ICAM3: variants seen among roughly 807,000 people sequenced by gnomAD.
ICAM3 encodes ICAM-3.
In ICAM3, 54 loss-of-function variants were observed where a neutral mutation model predicts 43.6. That is an observed-to-expected ratio of 1.24 (90% CI 0.99 to 1.55). ICAM3 has a LOEUF of 1.55. ICAM3 is among the 40% of genes most tolerant of loss of function. The pLI is 0.00. For synonymous variants in ICAM3, 306 were observed against 312.6 expected, an observed-to-expected ratio of 0.98 and a Z score of 0.22; for missense variants, 715 against 717.9, an observed-to-expected ratio of 1.00 and a Z score of 0.05.
Position 10,333,956 on chromosome 19 carries a change from C to G in ICAM3, c.1545G>C (p.Arg515=). ...CCTCCCTAACATGGTAACTGCCGCTCCGTTGGTGCTCCCTGAAGACGTACA... is the reference window on the plus strand; with the variant it reads ...CCTCCCTAACATGGTAACTGCCGCTGCGTTGGTGCTCCCTGAAGACGTACA... ...ALMYVFREHQ[R]SGSYHVREES... The change falls in exon 7 of 7, where the codon CGG becomes CGC. Residue 515 remains arginine (R), a synonymous_variant. Coordinates refer to ENST00000160262, the MANE Select transcript of ICAM3 (RefSeq NM_002162.5). This position sits in a 1 kb window ranked among gnomAD's most constrained non-coding sequence, Gnocchi z 4.2. 6.2e-7 allele frequency: 1 copy of G among 1,614,162 alleles called. No homozygotes were observed.
chr19:10,339,517 T>C lies in ICAM3; in HGVS notation c.76+22A>G, dbSNP rs760085544. 14 of 1,610,676 alleles carry C rather than the reference T, an allele frequency of 8.7e-6. No individual in the cohort carries two copies. The African/African-American group carries it at 1.6e-4, about 18-fold the overall frequency. On this transcript the variant is annotated intron_variant, in intron 1 of 6. Coordinates refer to ENST00000160262, the MANE Select transcript of ICAM3 (RefSeq NM_002162.5). ...CCCAAAACGCAGCCCTCTCCAGCCC[T>C]CCCCGGCTTGACTGGTCTCACCTGG...
At chr19:10,335,002 T>A (rs1157826106) in intron 4 of ICAM3, 64 bp downstream of exon 4, 1 of 1,562,566 alleles carries the variant, frequency 6.4e-7, no homozygotes, top group East Asian at 2.2e-5. Flanking sequence ...TCGGCTAGTC[T>A]CCGCCCCCTC....
rs1647861233 is a variant in ICAM3, at chr19:10,339,549, C to T, written c.66G>A (p.Leu22=). ...RACWTLLVCC[L]LTPGVQGQEF... is the part of the protein sequence containing the mutation. ...CTTGACTGGTCTCACCTGGGGTCAG[C>T]AGACAGCAGACCAGCAGAGTCCAGC... Residue 22 remains leucine (L), a synonymous_variant, in exon 1 of 7, where the codon CTG becomes CTA. Coordinates refer to ENST00000160262, the MANE Select transcript of ICAM3 (RefSeq NM_002162.5). 1 of 1,613,964 alleles carries T rather than the reference C, an allele frequency of 6.2e-7. No homozygotes were observed. Among genetic ancestry groups the T allele is most frequent in the African/African-American group, 1.3e-5 (1 of 75,064 alleles).
intron 4 of ICAM3, 38 bp downstream of exon 4, chr19:10,335,028 C>T: frequency 6.3e-7 from 1 of 1,591,634 alleles, no homozygotes; most frequent in Non-Finnish European, 8.6e-7. Context: ...CGCCCCCAGA[C>T]TGCTGAGGCC....
chr19:10,339,299 C>G, intron 1 of ICAM3: 1 of 583,216 alleles, frequency 1.7e-6, no homozygotes, highest in South Asian at 2.1e-5. Context: ...TCAGATGGAG[C>G]AGGAAGCATG....
intron 2 of ICAM3, among the ~76,000 whole-genome samples, chr19:10,337,429 A>AG (rs2040610856): frequency 6.9e-6 from 1 of 144,942 alleles, no homozygotes; most frequent in Non-Finnish European, 1.5e-5. Flanking sequence ...AAAAAAAAAA[A>AG]AAGAAAAGAA....
At position 10,334,115 on chromosome 19, in the gene ICAM3, C is replaced by T. The variant is rs755474269; in HGVS notation, c.1441+45G>A. 3.7e-5 allele frequency: 59 copies of T among 1,602,996 alleles called. No homozygotes were observed. The highest frequency in any genetic ancestry group is 3.1e-4 in the South Asian group (28 of 90,784). ...GTCCCTTCTGTCTCCAACCCCCCCG[C>T]CCCCCGGCTTACCGGTCCAGACCCG... On this transcript the variant is annotated intron_variant, in intron 6 of 6. Coordinates refer to ENST00000160262, the MANE Select transcript of ICAM3 (RefSeq NM_002162.5). This position sits in a 1 kb window ranked among gnomAD's most constrained non-coding sequence, Gnocchi z 5.5.
Position 10,335,289 on chromosome 19 carries a change from C to T in ICAM3, c.714G>A (p.Pro238=), listed in dbSNP as rs1189892531. The T allele has an allele frequency of 3.1e-6, 5 of 1,612,916 alleles. No homozygotes were observed. Among genetic ancestry groups the T allele is most frequent in the African/African-American group, 2.7e-5 (2 of 75,026 alleles). ...AAAGCCCGTCTAGGGTGCAGTCCAC[C>T]GGCCACGACGTTTCCACCTCCAAGA... ...PRFLEVETSW[P]VDCTLDGLFP... The change falls in exon 4 of 7, where the codon CCG becomes CCA. Residue 238 remains proline, a synonymous_variant. Transcript: ENST00000160262.
Position 10,338,756 on chromosome 19 carries a change from C to T in ICAM3, c.269G>A (p.Gly90Asp). Reference sequence around the variant, plus strand: ...CACTGAGCAGAGGATCCGACTGTTGCCAGTCACGTTGCTGAGATTGAAGGC... The same window carrying T: ...CACTGAGCAGAGGATCCGACTGTTGTCAGTCACGTTGCTGAGATTGAAGGC... ...WAAFNLSNVT[G>D]NSRILCSVYC... is the part of the protein sequence containing the mutation. Residue 90 changes from glycine to aspartate, a missense_variant, in exon 2 of 7, where the codon GGC becomes GAC. Coordinates refer to ENST00000160262, the MANE Select transcript of ICAM3 (RefSeq NM_002162.5). The T allele has an allele frequency of 6.2e-7, 1 of 1,614,078 alleles. No homozygotes were observed. The highest frequency in any genetic ancestry group is 1.3e-5 in the African/African-American group (1 of 75,056).
intron 1 of ICAM3, chr19:10,339,168 G>C (rs1446065677): frequency 1.5e-5 from 9 of 606,322 alleles, no homozygotes; most frequent in South Asian, 2.1e-5. Flanking sequence ...GTCAGGGAAG[G>C]CTTCCTGGAA....
chr19:10,336,761 G>A (rs2040601717), intron 2 of ICAM3, among the ~76,000 whole-genome samples: 1 of 139,604 alleles, frequency 7.2e-6, no homozygotes, highest in Admixed American at 7.6e-5. Context: ...AGCTGAGATA[G>A]TGCCACTGCA....
At position 10,334,320 on chromosome 19, in the gene ICAM3, G is replaced by A. The variant is rs1349002931; in HGVS notation, c.1281C>T (p.Gly427=). 2 of 1,614,196 alleles carry A rather than the reference G, an allele frequency of 1.2e-6. No homozygotes were observed. The highest frequency in any genetic ancestry group is 1.7e-6 in the Non-Finnish European group (2 of 1,180,030). Residue 427 remains glycine (G), a synonymous_variant, in exon 6 of 7, where the codon GGC becomes GGT. Transcript: ENST00000160262. The surrounding 1 kb of genome is among the most constrained non-coding windows in gnomAD (Gnocchi z 5.5). ...AACACCGCAGCTCGGGGTACGGGTT[G>A]CCCCTGGCTTGGCACTGCAGGACGT... ...TRHVLQCQAR[G]NPYPELRCLK... is the part of the protein sequence containing the mutation.
At chr19:10,337,242 T>C (rs866729943) in intron 2 of ICAM3, among the ~76,000 whole-genome samples, 1 of 118,830 alleles carries the variant, frequency 8.4e-6, no homozygotes, top group Non-Finnish European at 1.9e-5. Context: ...CATGGTGAAA[T>C]CCTGTCCCTA....
intron 1 of ICAM3, 104 bp downstream of exon 1, chr19:10,339,435 C>T (rs370405015): frequency 2.4e-5 from 23 of 960,064 alleles, no homozygotes; most frequent in African/African-American, 1.8e-4. Context: ...GCGGCCAGGT[C>T]GCAGTGTGGC....
rs545418264 is a variant in ICAM3, at chr19:10,334,483, C to G, written c.1192+45G>C. The G allele has an allele frequency of 2.5e-6, 4 of 1,603,986 alleles. No individual in the cohort carries two copies. In the East Asian group the frequency reaches 6.7e-5, roughly 27 times the overall value. On this transcript the variant is annotated intron_variant, in intron 5 of 6. Transcript: ENST00000160262. This position sits in a 1 kb window ranked among gnomAD's most constrained non-coding sequence, Gnocchi z 5.5. ...TGGTGCAGAGGAGCGTCTAATCTTT[C>G]CAGGGCAGGGGTGGAGGGATTAAAG...
chr19:10,338,958 C>T lies in ICAM3; in HGVS notation c.77-10G>A. On this transcript the variant is annotated splice_polypyrimidine_tract_variant and intron_variant, in intron 1 of 6. Transcript: ENST00000160262. Reference sequence around the variant, plus strand: ...TCCTGCCCCTGGACACCTTCAGGAACATGAAGAAGTCCTGGTGTTTGTTTC... The same window carrying T: ...TCCTGCCCCTGGACACCTTCAGGAATATGAAGAAGTCCTGGTGTTTGTTTC... 2 of 1,611,782 alleles carry T rather than the reference C, an allele frequency of 1.2e-6. No individual in the cohort carries two copies. Among genetic ancestry groups the T allele is most frequent in the South Asian group, 1.1e-5 (1 of 90,998 alleles).
rs1245636445 is a variant in ICAM3 at position 10,334,529 on chromosome 19, C to A, written c.1191G>T (p.Leu397=). ...TAAAGGTCAGGGTGACCGACTCACACAGGACTCGCAGCTGGACGCTACTGT... is the reference window on the plus strand; with the variant it reads ...TAAAGGTCAGGGTGACCGACTCACAAAGGACTCGCAGCTGGACGCTACTGT... The part of the protein sequence containing the change: ...HRNSSVQLRV[L]YGPKIDRATC... Residue 397 remains leucine, a splice_region_variant and synonymous_variant, in exon 5 of 7, where the codon CTG becomes CTT. Transcript: ENST00000160262. This position sits in a 1 kb window ranked among gnomAD's most constrained non-coding sequence, Gnocchi z 5.5. 1.2e-6 allele frequency: 2 copies of A among 1,606,200 alleles called. No individual in the cohort carries two copies. The highest frequency in any genetic ancestry group is 1.7e-6 in the Non-Finnish European group (2 of 1,174,498).
rs145741513 is a variant in ICAM3, at chr19:10,338,789, C to A, written c.236G>T (p.Gly79Val). 1,421 of 1,614,168 alleles carry A rather than the reference C, an allele frequency of 8.8e-4. 23 individuals carry two copies. The South Asian group carries it at 0.015, about 17-fold the overall frequency. ...GTTGCTGAGATTGAAGGCTGCCCAG[C>A]CCATGCCACTGGCCACCAGCTCCTT... ...LSKELVASGMGWAAFNLSNVT... is the reference protein window; with the variant it reads ...LSKELVASGMVWAAFNLSNVT... Residue 79 changes from glycine (G) to valine (V), a missense_variant, in exon 2 of 7, where the codon GGC (glycine) becomes GTC (valine). Physicochemically the swap from Gly to Val is moderately radical, Grantham distance 109. Coordinates refer to ENST00000160262, the MANE Select transcript of ICAM3 (RefSeq NM_002162.5).
At position 10,334,479 on chromosome 19, in the gene ICAM3, C is replaced by A; in HGVS notation, c.1192+49G>T. The A allele has an allele frequency of 6.2e-7, 1 of 1,604,460 alleles. No individual in the cohort carries two copies. The highest frequency in any genetic ancestry group is 8.5e-7 in the Non-Finnish European group (1 of 1,173,676). ...ACAGTGGTGCAGAGGAGCGTCTAAT[C>A]TTTCCAGGGCAGGGGTGGAGGGATT... On this transcript the variant is annotated intron_variant, in intron 5 of 6. Coordinates refer to ENST00000160262, the MANE Select transcript of ICAM3 (RefSeq NM_002162.5). The surrounding 1 kb of genome is among the most constrained non-coding windows in gnomAD (Gnocchi z 5.5).
Sources: allele counts gnomAD v4.1 joint callset (sites outside exome capture counted in the v4.1 genomes callset), GRCh38; gene constraint gnomAD v4.1.1; non-coding constraint Gnocchi (gnomAD v3.1); transcripts MANE v1.5; gene names NCBI Gene and HGNC (gene_info 2026-07-23, HGNC 2026-07-21).